PLA2G5: variants seen among roughly 807,000 people sequenced by gnomAD.
PLA2G5 encodes the protein phospholipase A2 group V.
PLA2G5 carries 12 observed loss-of-function variants against 15.9 expected under a neutral mutation model. The ratio of observed to expected loss-of-function variants is 0.76; its 90% CI spans 0.48 to 1.23. PLA2G5 has a LOEUF of 1.23. Ranked by LOEUF, PLA2G5 falls within the 50% of genes most tolerant of loss-of-function variation. The pLI is 0.00. For synonymous variants in PLA2G5, 71 were observed against 71.4 expected, an observed-to-expected ratio of 0.99 and a Z score of 0.03; for missense variants, 169 against 177.1, an observed-to-expected ratio of 0.95 and a Z score of 0.26.
chr1:20,041,795 G>A (rs1399708188), intron 1 of PLA2G5, among the ~76,000 whole-genome samples: 1 of 152,196 alleles, frequency 6.6e-6, no homozygotes. Context: ...GGAAGTTTCA[G>A]TGGGGGAGTA....
intron 1 of PLA2G5, among the ~76,000 whole-genome samples, chr1:20,053,026 T>C (rs1385348002): frequency 6.6e-6 from 1 of 152,194 alleles, no homozygotes; most frequent in Non-Finnish European, 1.5e-5. Context: ...CCTATGTTGA[T>C]TGATGTCTTA....
chr1:20,086,123 A>C lies in PLA2G5; in HGVS notation c.81A>C (p.Ser27=). The C allele has an allele frequency of 6.2e-7, 1 of 1,614,086 alleles. No homozygotes were observed. Among genetic ancestry groups the C allele is most frequent in the Non-Finnish European group, 8.5e-7 (1 of 1,180,002 alleles). Reference sequence around the variant, plus strand: ...AAGGAGGCTTGCTGGACCTAAAATCAATGATCGAGAAGGTGACAGGGAAGA... The same window carrying C: ...AAGGAGGCTTGCTGGACCTAAAATCCATGATCGAGAAGGTGACAGGGAAGA... The part of the protein sequence containing the change: ...AVQGGLLDLK[S]MIEKVTGKNA... Residue 27 remains serine (S), a synonymous_variant, in exon 3 of 5, where the codon TCA becomes TCC. Transcript: ENST00000375108.
chr1:20,028,447 A>C (rs1217005201), exon 1 of PLA2G5: 1 of 152,190 alleles, frequency 6.6e-6, no homozygotes, highest in East Asian at 1.9e-4. Context: ...GGACTTACAA[A>C]ATGGTGCAGA....
chr1:20,078,449 G>A (rs2015817501), intron 1 of PLA2G5, among the ~76,000 whole-genome samples: 1 of 152,074 alleles, frequency 6.6e-6, no homozygotes. Flanking sequence ...AACTGGTTGA[G>A]AAGAAGAAAC....
At chr1:20,081,771 C>T (rs1442803169) in intron 1 of PLA2G5, among the ~76,000 whole-genome samples, 1 of 151,754 alleles carries the variant, frequency 6.6e-6, no homozygotes, top group Non-Finnish European at 1.5e-5. Flanking sequence ...GTCTTGCCTC[C>T]TCAGAAGAAA....
At chr1:20,067,351 A>C (rs2015088925), upstream of PLA2G5, among the ~76,000 whole-genome samples, 1 of 152,134 alleles carries the variant, frequency 6.6e-6, no homozygotes, top group Middle Eastern at 3.2e-3. Flanking sequence ...TAAAGAAGAG[A>C]GAAGAGGGAT....
chr1:20,072,551 T>C (rs944204081), intron 1 of PLA2G5, among the ~76,000 whole-genome samples: 2 of 152,144 alleles, frequency 1.3e-5, no homozygotes, highest in African/African-American at 4.8e-5. Flanking sequence ...ACTAAAAGCC[T>C]TCACATCCAG....
In PLA2G5 at chr1:20,049,450, C is replaced by A. The variant is rs560477370; in HGVS notation, n.277-10182C>A. Among the ~76,000 whole-genome samples the A allele has an allele frequency of 4.7e-4, 72 of 151,862 alleles. No individual in the cohort carries two copies. In the Middle Eastern group the frequency reaches 0.01, roughly 22 times the overall value. On this transcript the variant is annotated intron_variant and non_coding_transcript_variant, in intron 1 of 6. Coordinates refer to the PLA2G5 transcript ENST00000460175. ...TAAGAGCTTTTAATTTTTTTTAACCCTGATATGATTTGGCTCTGTGTCCCC... is the reference window on the plus strand; with the variant it reads ...TAAGAGCTTTTAATTTTTTTTAACCATGATATGATTTGGCTCTGTGTCCCC...
chr1:20,036,900 G>C (rs1410213627), intron 1 of PLA2G5, among the ~76,000 whole-genome samples: 2 of 151,902 alleles, frequency 1.3e-5, no homozygotes, highest in African/African-American at 2.4e-5. Flanking sequence ...CCCGACCTCA[G>C]CTGACCTGCC....
chr1:20,056,162 G>A (rs1312400572), intron 1 of PLA2G5, among the ~76,000 whole-genome samples: 1 of 152,048 alleles, frequency 6.6e-6, no homozygotes, highest in Non-Finnish European at 1.5e-5. Context: ...AAGTACAAAT[G>A]TTTCCCACAT....
chr1:20,089,795 T>C lies in PLA2G5; in HGVS notation c.192T>C (p.Cys64=). Residue 64 remains cysteine, a synonymous_variant, in exon 4 of 5, where the codon TGT becomes TGC. Transcript: ENST00000375108. ...AAGTCTCTTGCACGGACAGGTGCTG[T>C]TGGGCGCATGACCACTGCTATGGGC... ...GTPKDGTDWC[C]WAHDHCYGRL... is the part of the protein sequence containing the mutation. 1 of 1,613,810 alleles carries C rather than the reference T, an allele frequency of 6.2e-7. No homozygotes were observed.
chr1:20,046,737 C>T (rs1425987621), intron 1 of PLA2G5, among the ~76,000 whole-genome samples: 1 of 152,116 alleles, frequency 6.6e-6, no homozygotes, highest in African/African-American at 2.4e-5. Context: ...AGGATTTGAC[C>T]TTGGCATGTG....
At chr1:20,089,034 G>C (rs886744952) in intron 3 of PLA2G5, 1 of 152,190 alleles carries the variant, frequency 6.6e-6, no homozygotes, top group Admixed American at 6.5e-5. Flanking sequence ...CAAACTCCTG[G>C]ACTTGAGCAG....
At chr1:20,046,728 G>C (rs2013924628) in intron 1 of PLA2G5, among the ~76,000 whole-genome samples, 1 of 152,142 alleles carries the variant, frequency 6.6e-6, no homozygotes, top group Non-Finnish European at 1.5e-5. Flanking sequence ...TACTGTGAGA[G>C]GATTTGACCT....
intron 1 of PLA2G5, among the ~76,000 whole-genome samples, chr1:20,078,096 G>A (rs1264576525): frequency 1.3e-5 from 2 of 152,158 alleles, no homozygotes; most frequent in Non-Finnish European, 2.9e-5. Flanking sequence ...AGGCGGCACA[G>A]TGCAGCCTTG....
chr1:20,082,528 A>G (rs1165333240), intron 1 of PLA2G5, among the ~76,000 whole-genome samples: 5 of 151,894 alleles, frequency 3.3e-5, no homozygotes, highest in Non-Finnish European at 7.4e-5. Flanking sequence ...TGCTTCAGGT[A>G]TTCCTGTTTA....
At chr1:20,075,508 A>G (rs1372212199) in intron 1 of PLA2G5, among the ~76,000 whole-genome samples, 2 of 152,244 alleles carry the variant, frequency 1.3e-5, no homozygotes, top group Admixed American at 1.3e-4. Context: ...CCAATTATTC[A>G]TGATGGTGAA....
chr1:20,054,807 A>G (rs913163709), intron 1 of PLA2G5: 1 of 152,216 alleles, frequency 6.6e-6, no homozygotes, highest in Non-Finnish European at 1.5e-5. Context: ...TCTTCTGGAC[A>G]GATTCCTAGA....
At chr1:20,085,719 G>A (rs1370285594) in intron 2 of PLA2G5, among the ~76,000 whole-genome samples, 7 of 152,112 alleles carry the variant, frequency 4.6e-5, no homozygotes, top group Admixed American at 6.5e-5. Flanking sequence ...GTCTGCCACC[G>A]TGCTCAAAAT....
Sources: gnomAD v4.1 joint callset for allele counts (sites outside exome capture counted in the v4.1 genomes callset) on GRCh38, gnomAD v4.1.1 for gene constraint, MANE v1.5 for transcripts, NCBI Gene and HGNC (gene_info 2026-07-23, HGNC 2026-07-21) for gene names.